Variants in SH3PXD2A observed in about 807,000 individuals in gnomAD.
SH3PXD2A encodes SH3 and PX domains 2A.
SH3PXD2A carries 32 observed loss-of-function variants against 115.2 expected under a neutral mutation model. The observed-to-expected ratio is 0.28, with a 90% CI of 0.21 to 0.37. SH3PXD2A has a LOEUF of 0.37. Ranked by LOEUF, SH3PXD2A falls within the 10% of genes least tolerant of loss-of-function variation. SH3PXD2A has a pLI of 1.00. For missense variants in SH3PXD2A, 1,328 were observed against 1,498.7 expected (o/e 0.89, Z 1.88); for synonymous variants, 610 against 629.1 (o/e 0.97, Z 0.45).
chr10:103,834,520 TA>T (rs1445263504), intron 1 of SH3PXD2A, among the ~76,000 whole-genome samples: 5 of 152,222 alleles, frequency 3.3e-5, no homozygotes. Context: ...ACTCTGAATA[TA>T]CTAAAAACTC....
At chr10:103,812,435 C>A (rs573135748) in intron 1 of SH3PXD2A, among the ~76,000 whole-genome samples, 32 of 152,202 alleles carry the variant, frequency 2.1e-4, no homozygotes, top group African/African-American at 7.5e-4. Context: ...CCTGAGCCAT[C>A]AAAAAAATTA....
At chr10:103,744,653 A>C (rs188541513) in intron 3 of SH3PXD2A, among the ~76,000 whole-genome samples, 355 of 152,254 alleles carry the variant, frequency 2.3e-3, no homozygotes, top group African/African-American at 8.1e-3. Context: ...TTCACTTGCA[A>C]CATCTGGCTT....
chr10:103,714,864 A>G (rs960805823), intron 5 of SH3PXD2A, among the ~76,000 whole-genome samples: 3 of 152,188 alleles, frequency 2.0e-5, no homozygotes, highest in African/African-American at 7.2e-5. Context: ...TAGGTGTCTG[A>G]CCAGAATGCA....
chr10:103,819,943 G>C (rs961930745), intron 1 of SH3PXD2A, among the ~76,000 whole-genome samples: 1 of 152,164 alleles, frequency 6.6e-6, no homozygotes, highest in Non-Finnish European at 1.5e-5. Context: ...GGAGTGACTA[G>C]AATAGATCTC....
At chr10:103,778,256 C>T (rs1041376172) in intron 2 of SH3PXD2A, among the ~76,000 whole-genome samples, 2 of 152,120 alleles carry the variant, frequency 1.3e-5, no homozygotes, top group African/African-American at 4.8e-5. Flanking sequence ...GGCGTGAATC[C>T]GGGAGGCGGA....
At chr10:103,722,131 C>G (rs186494607) in intron 5 of SH3PXD2A, among the ~76,000 whole-genome samples, 3 of 151,980 alleles carry the variant, frequency 2.0e-5, no homozygotes, top group African/African-American at 7.2e-5. Context: ...TGGTGAAACC[C>G]CGTCTCTACT....
At chr10:103,839,588 C>T (rs1051575209) in intron 1 of SH3PXD2A, among the ~76,000 whole-genome samples, 1 of 150,902 alleles carries the variant, frequency 6.6e-6, no homozygotes, top group African/African-American at 2.4e-5. Flanking sequence ...CACAGCCCCT[C>T]CCCCAAGCCC....
chr10:103,655,115 C>G (rs2037191007), intron 8 of SH3PXD2A, among the ~76,000 whole-genome samples: 1 of 152,160 alleles, frequency 6.6e-6, no homozygotes, highest in Admixed American at 6.5e-5. Context: ...CCTGATATAG[C>G]AAGAACACAC....
intron 6 of SH3PXD2A, among the ~76,000 whole-genome samples, chr10:103,675,780 C>T (rs115263992): frequency 0.022 from 3,304 of 152,264 alleles, 111 homozygotes; most frequent in African/African-American, 0.074. Flanking sequence ...CGGTGGCTCA[C>T]GCCTGTAACC....
At chr10:103,603,900 A>C in intron 14 of SH3PXD2A, 111 bp from the exon 15 acceptor site, 1 of 1,267,180 alleles carries the variant, frequency 7.9e-7, no homozygotes. Context: ...TCCATTTTAC[A>C]GATAATAAAC....
chr10:103,679,168 C>T (rs2037578615), intron 6 of SH3PXD2A, among the ~76,000 whole-genome samples: 1 of 152,214 alleles, frequency 6.6e-6, no homozygotes, highest in African/African-American at 2.4e-5. Context: ...GTGGCCCCAG[C>T]CCCGTGCAGC....
At chr10:103,834,065 G>A (rs2039507148) in intron 1 of SH3PXD2A, among the ~76,000 whole-genome samples, 1 of 152,196 alleles carries the variant, frequency 6.6e-6, no homozygotes. Context: ...AACTGCAGGA[G>A]AGTTCAACAC....
intron 5 of SH3PXD2A, among the ~76,000 whole-genome samples, chr10:103,694,279 T>TGG (rs11394128): frequency 5.5e-5 from 8 of 145,144 alleles, no homozygotes; most frequent in African/African-American, 7.6e-5. Context: ...AAGGCGGGGT[T>TGG]GGGGGTTTGG....
intron 1 of SH3PXD2A, among the ~76,000 whole-genome samples, chr10:103,813,409 T>C (rs2039291907): frequency 6.6e-6 from 1 of 152,176 alleles, no homozygotes; most frequent in Non-Finnish European, 1.5e-5. Context: ...CCTGACCTCC[T>C]GGGCTCAAGA....
At chr10:103,785,773 C>T (rs1318162757) in intron 2 of SH3PXD2A, among the ~76,000 whole-genome samples, 3 of 151,962 alleles carry the variant, frequency 2.0e-5, no homozygotes, top group African/African-American at 7.3e-5. Context: ...AGGAGACTCC[C>T]ATGCAGACCA....
chr10:103,808,862 C>A (rs1427855042), intron 1 of SH3PXD2A, among the ~76,000 whole-genome samples: 1 of 152,182 alleles, frequency 6.6e-6, no homozygotes, highest in Non-Finnish European at 1.5e-5. Context: ...GTCTGCTGGA[C>A]ACACTGAGAT....
chr10:103,690,813 G>T (rs2037740598), intron 6 of SH3PXD2A, among the ~76,000 whole-genome samples: 2 of 152,344 alleles, frequency 1.3e-5, no homozygotes, highest in South Asian at 4.1e-4. Context: ...GAGAGGCTAA[G>T]AAATCTACCC....
At chr10:103,741,640 A>C (rs999589738) in intron 3 of SH3PXD2A, among the ~76,000 whole-genome samples, 1 of 152,228 alleles carries the variant, frequency 6.6e-6, no homozygotes, top group Non-Finnish European at 1.5e-5. Context: ...AATGCAGCCC[A>C]GAGAGCCCAG....
chr10:103,628,925 A>G (rs943795745), intron 8 of SH3PXD2A, among the ~76,000 whole-genome samples: 31 of 152,152 alleles, frequency 2.0e-4, no homozygotes, highest in African/African-American at 7.5e-4. Flanking sequence ...CGGGCCACTT[A>G]CTGCCACGTT....
Sources: gnomAD v4.1 joint callset for allele counts (sites outside exome capture counted in the v4.1 genomes callset) on GRCh38, gnomAD v4.1.1 for gene constraint, MANE v1.5 for transcripts, NCBI Gene and HGNC (gene_info 2026-07-23, HGNC 2026-07-21) for gene names.